ADGRL2: variants seen among roughly 807,000 people sequenced by gnomAD.
ADGRL2 encodes adhesion G protein-coupled receptor L2, also known as calcium-independent alpha-latrotoxin receptor 2.
Under a neutral mutation model 157.4 loss-of-function variants are expected in ADGRL2, and 44 were observed. That is an observed-to-expected ratio of 0.28 (90% CI 0.22 to 0.36). ADGRL2 has a LOEUF of 0.36. Ranked by LOEUF, ADGRL2 falls within the 10% of genes least tolerant of loss-of-function variation. ADGRL2 has a pLI of 1.00. For synonymous variants in ADGRL2, 585 were observed against 624.7 expected, an observed-to-expected ratio of 0.94 and a Z score of 0.95; for missense variants, 1,510 against 1,768.9, an observed-to-expected ratio of 0.85 and a Z score of 2.63.
intron 3 of ADGRL2, among the ~76,000 whole-genome samples, chr1:81,656,548 C>T (rs2082536975): frequency 6.6e-6 from 1 of 152,126 alleles, no homozygotes; most frequent in Admixed American, 6.5e-5. Flanking sequence ...TAGGATTAGA[C>T]ACGATGTGCC....
At chr1:81,941,916 T>C in intron 4 of ADGRL2, 118 bp from the exon 5 acceptor site, 1 of 547,868 alleles carries the variant, frequency 1.8e-6, no homozygotes, top group Non-Finnish European at 3.3e-6. Context: ...CTCTTAATTC[T>C]TCCTATATTT....
At chr1:81,722,845 G>A (rs2084380549) in intron 1 of ADGRL2, 2 of 704,212 alleles carry the variant, frequency 2.8e-6, no homozygotes, top group Admixed American at 2.0e-5. Flanking sequence ...CTTTCCTGGG[G>A]GAAATGCCTG....
intron 2 of ADGRL2, among the ~76,000 whole-genome samples, chr1:81,837,849 G>C (rs1052331476): frequency 3.3e-5 from 5 of 152,074 alleles, no homozygotes; most frequent in African/African-American, 1.2e-4. Context: ...GAGCAGGCTA[G>C]AAGTTAATAT....
intron 1 of ADGRL2, among the ~76,000 whole-genome samples, chr1:81,807,904 A>G (rs1006063653): frequency 5.3e-5 from 8 of 151,782 alleles, no homozygotes; most frequent in African/African-American, 1.9e-4. Flanking sequence ...AATAATTTGT[A>G]GATATTTTTT....
intron 3 of ADGRL2, among the ~76,000 whole-genome samples, chr1:81,923,931 TG>T (rs2148650565): frequency 6.6e-6 from 1 of 152,232 alleles, no homozygotes; most frequent in Non-Finnish European, 1.5e-5. Context: ...ATTCTAGACA[TG>T]GAAAATAATT....
rs1329821965 is a variant in ADGRL2 at position 81,385,411 on chromosome 1, G to A, written c.-301-59625G>A. Among the ~76,000 whole-genome samples, 3 of 152,164 alleles carry A rather than the reference G, an allele frequency of 2.0e-5. No individual in the cohort carries two copies. The East Asian group carries it at 5.8e-4, about 29-fold the overall frequency. On this transcript the variant is annotated intron_variant, in intron 1 of 24. Coordinates refer to the ADGRL2 transcript ENST00000370721. ...GTTCATATTACTGCATTTGTGAAAT[G>A]TGAAAATTTGTGAAAATTTGATCTA...
intron 3 of ADGRL2, among the ~76,000 whole-genome samples, chr1:81,612,222 C>T (rs900526408): frequency 3.3e-5 from 5 of 152,094 alleles, no homozygotes; most frequent in Non-Finnish European, 5.9e-5. Flanking sequence ...CACTCTGACA[C>T]CTGAGTAGCT....
chr1:81,643,717 C>G (rs2082263818), intron 3 of ADGRL2, among the ~76,000 whole-genome samples: 1 of 152,080 alleles, frequency 6.6e-6, no homozygotes, highest in East Asian at 1.9e-4. Flanking sequence ...TATATGAGGA[C>G]AACTACAAAA....
intron 2 of ADGRL2, among the ~76,000 whole-genome samples, chr1:81,771,056 A>G (rs1444997955): frequency 6.6e-6 from 1 of 152,056 alleles, no homozygotes; most frequent in East Asian, 1.9e-4. Context: ...TTTTTCTTAC[A>G]TACTCTAGTA....
At chr1:81,721,408 C>T (rs187913952) in intron 1 of ADGRL2, among the ~76,000 whole-genome samples, 178 of 152,124 alleles carry the variant, frequency 1.2e-3, no homozygotes, top group Non-Finnish European at 1.1e-3. Flanking sequence ...TCCAAACAAC[C>T]GACCCAAATT....
At position 81,992,441 on chromosome 1, in the gene ADGRL2, T is replaced by C. The variant is rs1664727947; in HGVS notation, c.*1296T>C. ...TTCAAGTAGTTAACATGTGAACTTT[T>C]ATGTATGATACATAATTGGCTTTAA... is the stretch of plus-strand genomic sequence containing the variant. On this transcript the variant is annotated 3_prime_UTR_variant, in exon 24 of 24. Coordinates refer to ENST00000686636, the MANE Select transcript of ADGRL2 (RefSeq NM_001366006.2). 1 of 152,622 alleles carries C rather than the reference T, an allele frequency of 6.6e-6. No individual in the cohort carries two copies. The highest frequency in any genetic ancestry group is 1.5e-5 in the Non-Finnish European group (1 of 68,034). 9.5% of individuals were successfully genotyped at this position (152,622 alleles called of 1,614,324 possible).
At chr1:81,616,676 TTTC>T (rs1350123975) in intron 3 of ADGRL2, among the ~76,000 whole-genome samples, 10 of 134,528 alleles carry the variant, frequency 7.4e-5, no homozygotes, top group African/African-American at 2.7e-4. Flanking sequence ...TTTCTTTTCT[TTTC>T]TTTTTTTTTT....
intron 1 of ADGRL2, among the ~76,000 whole-genome samples, chr1:81,403,113 G>A (rs1280203156): frequency 6.6e-6 from 1 of 152,128 alleles, no homozygotes; most frequent in Non-Finnish European, 1.5e-5. Context: ...TATCTACTCA[G>A]ACAAATCTTG....
At chr1:81,461,787 A>T (rs1255927738) in intron 2 of ADGRL2, among the ~76,000 whole-genome samples, 1 of 152,200 alleles carries the variant, frequency 6.6e-6, no homozygotes, top group African/African-American at 2.4e-5. Context: ...GCCAAAAAGC[A>T]GAGTGGGGTG....
chr1:81,369,187 G>T (rs200312511), intron 1 of ADGRL2, among the ~76,000 whole-genome samples: 1 of 152,038 alleles, frequency 6.6e-6, no homozygotes, highest in Non-Finnish European at 1.5e-5. Context: ...ACACACACAG[G>T]CAGAGAGAGA....
chr1:81,462,412 C>A (rs192094166), intron 2 of ADGRL2, among the ~76,000 whole-genome samples: 1 of 149,232 alleles, frequency 6.7e-6, no homozygotes, highest in East Asian at 2.1e-4. Flanking sequence ...TAACACTCAC[C>A]GTGAGGGTCT....
At chr1:81,802,416 C>G (rs561555643) in intron 1 of ADGRL2, among the ~76,000 whole-genome samples, 9 of 152,176 alleles carry the variant, frequency 5.9e-5, no homozygotes, top group African/African-American at 2.2e-4. Flanking sequence ...TCCCTCCCCC[C>G]AATCTCCTCT....
At chr1:81,988,881 ACTC>A (rs1198794192) in intron 23 of ADGRL2, among the ~76,000 whole-genome samples, 1 of 151,916 alleles carries the variant, frequency 6.6e-6, no homozygotes, top group Non-Finnish European at 1.5e-5. Flanking sequence ...TTTTTCCTAA[ACTC>A]CTCCAAGCCT....
chr1:81,483,478 T>C (rs1212085774), intron 2 of ADGRL2, among the ~76,000 whole-genome samples: 1 of 152,236 alleles, frequency 6.6e-6, no homozygotes, highest in Non-Finnish European at 1.5e-5. Context: ...GATGAGCTAA[T>C]TCTTATCTGA....
Sources: gnomAD v4.1 joint callset for allele counts (sites outside exome capture counted in the v4.1 genomes callset) on GRCh38, gnomAD v4.1.1 for gene constraint, MANE v1.5 for transcripts, NCBI Gene and HGNC (gene_info 2026-07-23, HGNC 2026-07-21) for gene names.